ZNF462: variants seen among roughly 807,000 people sequenced by gnomAD.
ZNF462 encodes zinc finger protein 462, also known as zinc finger PBX1-interacting protein.
In ZNF462, 10 loss-of-function variants were observed where a neutral mutation model predicts 201.9. The observed-to-expected ratio is 0.05, with a 90% CI of 0.03 to 0.08. The LOEUF (loss-of-function observed/expected upper bound fraction) is 0.08, where lower values mean the gene tolerates loss of function less well. Ranked by LOEUF, ZNF462 falls within the 10% of genes least tolerant of loss-of-function variation. The pLI is 1.00. For missense variants in ZNF462, 2,523 were observed against 3,168.3 expected, an observed-to-expected ratio of 0.80 and a Z score of 4.89; for synonymous variants, 1,227 against 1,193.3, an observed-to-expected ratio of 1.03 and a Z score of -0.58.
chr9:107,000,877 A>G (rs545805676), intron 10 of ZNF462, among the ~76,000 whole-genome samples: 26 of 152,266 alleles, frequency 1.7e-4, no homozygotes, highest in Admixed American at 6.5e-4. Context: ...AAGAGCTCCA[A>G]AAGAAGCAGG....
At chr9:106,999,541 G>A (rs1829018495) in intron 10 of ZNF462, among the ~76,000 whole-genome samples, 1 of 152,126 alleles carries the variant, frequency 6.6e-6, no homozygotes, top group South Asian at 2.1e-4. Flanking sequence ...ATGCCTACTT[G>A]ATGAAATGCT....
At position 106,930,859 on chromosome 9, in the gene ZNF462, A is replaced by C; in HGVS notation, c.6012+170A>C. The C allele has an allele frequency of 1.3e-6, 1 of 749,028 alleles. No homozygotes were observed. The highest frequency in any genetic ancestry group is 2.1e-6 in the Non-Finnish European group (1 of 481,854). The allele number at this position is 749,028 out of a possible 1,614,324, so 46.4% of individuals were successfully genotyped here. On this transcript the variant is annotated intron_variant, in intron 4 of 12. Coordinates refer to ENST00000277225, the MANE Select transcript of ZNF462 (RefSeq NM_021224.6). The surrounding 1 kb of genome is among the most constrained non-coding windows in gnomAD (Gnocchi z 5.8). ...TTTCTTTGCAGGTTGGACCTTCCTC[A>C]TCTTTCTGTTCAGGGAAAGGTCGAG... is the stretch of plus-strand genomic sequence containing the variant.
intron 7 of ZNF462, among the ~76,000 whole-genome samples, chr9:106,955,235 C>T (rs1260382633): frequency 1.3e-5 from 2 of 152,032 alleles, no homozygotes; most frequent in Non-Finnish European, 2.9e-5. Context: ...GGGTTTGGTT[C>T]CAGACCACCT....
chr9:106,977,780 C>T lies in ZNF462; in HGVS notation c.6832+3507C>T, dbSNP rs1484006287. On this transcript the variant is annotated intron_variant, in intron 9 of 12. Transcript: ENST00000277225. The surrounding 1 kb of genome is among the most constrained non-coding windows in gnomAD (Gnocchi z 4.6). ...TGAGCCATGATAACATTTCAACAGG[C>T]AGAGAAGACTTAAGGCAGGGCATAT... 2.0e-5 allele frequency among the ~76,000 whole-genome samples: 3 copies of T among 151,488 alleles called. No homozygotes were observed. The highest frequency in any genetic ancestry group is 2.1e-4 in the South Asian group (1 of 4,830).
rs1296044800 is a variant in ZNF462, at chr9:106,870,075, C to A, written c.-31+6720C>A. 1.3e-5 allele frequency among the ~76,000 whole-genome samples: 2 copies of A among 152,174 alleles called. No homozygotes were observed. The highest frequency in any genetic ancestry group is 4.8e-5 in the African/African-American group (2 of 41,418). On this transcript the variant is annotated intron_variant, in intron 1 of 12. Transcript: ENST00000277225. This position sits in a 1 kb window ranked among gnomAD's most constrained non-coding sequence, Gnocchi z 4.3. ...CTATTCTCATCAGCTGAAGCACGTACAGGATTTTTAAAGTGTTTGGATGTG... is the reference window on the plus strand; with the variant it reads ...CTATTCTCATCAGCTGAAGCACGTAAAGGATTTTTAAAGTGTTTGGATGTG...
intron 1 of ZNF462, among the ~76,000 whole-genome samples, chr9:106,922,485 G>T (rs899889101): frequency 1.3e-5 from 2 of 152,166 alleles, no homozygotes; most frequent in African/African-American, 4.8e-5. Flanking sequence ...CTTCATGTTT[G>T]TAAAGGAAAG....
rs745975967 is a variant in ZNF462 at position 106,918,679 on chromosome 9, C to G, written c.-30-4675C>G. 1.8e-4 allele frequency among the ~76,000 whole-genome samples: 27 copies of G among 152,148 alleles called. 1 individual carries two copies. Among genetic ancestry groups the G allele is most frequent in the Non-Finnish European group, 5.9e-5 (4 of 68,022 alleles). ...GGCTTGCAACTGAAAATATTAATCTCCCAATACACATCACAAATCTTTGAC... is the reference window on the plus strand; with the variant it reads ...GGCTTGCAACTGAAAATATTAATCTGCCAATACACATCACAAATCTTTGAC... On this transcript the variant is annotated intron_variant, in intron 1 of 12. Coordinates refer to ENST00000277225, the MANE Select transcript of ZNF462 (RefSeq NM_021224.6).
rs1037903514 is a variant in ZNF462 at position 106,966,013 on chromosome 9, C to T, written c.6428-5992C>T. Among the ~76,000 whole-genome samples, 23 of 152,036 alleles carry T rather than the reference C, an allele frequency of 1.5e-4. No individual in the cohort carries two copies. Among genetic ancestry groups the T allele is most frequent in the African/African-American group, 2.9e-4 (12 of 41,392 alleles). ...TCTTCACTAGAAATAATGGTCTATA[C>T]GTCTAGCTTATTTGGGTTCTCCCTC... On this transcript the variant is annotated intron_variant, in intron 7 of 12. Transcript: ENST00000277225. The surrounding 1 kb of genome is among the most constrained non-coding windows in gnomAD (Gnocchi z 4.4).
intron 11 of ZNF462, among the ~76,000 whole-genome samples, chr9:107,007,584 C>T (rs925035669): frequency 7.9e-5 from 12 of 152,212 alleles, no homozygotes; most frequent in Admixed American, 1.3e-4. Context: ...CCTTCCCCCT[C>T]GCCGATCCTT....
At chr9:106,908,910 C>CATATATATATATAT (rs1192231869) in intron 1 of ZNF462, among the ~76,000 whole-genome samples, 44 of 43,986 alleles carry the variant, frequency 1.0e-3, no homozygotes, top group Admixed American at 1.3e-3. Context: ...CCCATATATA[C>CATATATATATATAT]ATATATATAT....
At chr9:106,999,161 C>A (rs1486146894) in intron 10 of ZNF462, among the ~76,000 whole-genome samples, 4 of 152,120 alleles carry the variant, frequency 2.6e-5, no homozygotes, top group African/African-American at 2.4e-5. Flanking sequence ...TGCTCCTTCT[C>A]CCTTTGTTGT....
chr9:106,995,368 G>GA (rs1326844220), intron 10 of ZNF462, among the ~76,000 whole-genome samples: 1 of 151,818 alleles, frequency 6.6e-6, no homozygotes, highest in African/African-American at 2.4e-5. Flanking sequence ...CTTTTATTTT[G>GA]AAAAAAATTC....
Position 106,924,527 on chromosome 9 carries a change from T to C in ZNF462, c.615T>C (p.Pro205=), listed in dbSNP as rs199808750. ...CTGCTCCTGCTCCAATGCCAGACCCTGTGGTTCCGCCCGTATCACTGCAGG... is the reference window on the plus strand; with the variant it reads ...CTGCTCCTGCTCCAATGCCAGACCCCGTGGTTCCGCCCGTATCACTGCAGG... The part of the protein sequence containing the change: ...PPPAPAPMPD[P]VVPPVSLQDP... The change falls in exon 3 of 13, where the codon CCT becomes CCC. Residue 205 remains proline, a synonymous_variant. Coordinates refer to ENST00000277225, the MANE Select transcript of ZNF462 (RefSeq NM_021224.6). This position sits in a 1 kb window ranked among gnomAD's most constrained non-coding sequence, Gnocchi z 6.2. 1.9e-6 allele frequency: 3 copies of C among 1,614,118 alleles called. No individual in the cohort carries two copies. The highest frequency in any genetic ancestry group is 1.1e-5 in the South Asian group (1 of 91,062).
chr9:106,991,544 C>G (rs1828269909), intron 10 of ZNF462, among the ~76,000 whole-genome samples: 1 of 151,696 alleles, frequency 6.6e-6, no homozygotes, highest in Non-Finnish European at 1.5e-5. Context: ...CAAACTGGCC[C>G]TAAAATTTAT....
At chr9:106,910,231 A>T in intron 1 of ZNF462, among the ~76,000 whole-genome samples, 1 of 151,224 alleles carries the variant, frequency 6.6e-6, no homozygotes, top group East Asian at 1.9e-4. Flanking sequence ...CTTGTCTTTG[A>T]TCTCTTCTTT....
chr9:106,965,414 A>G (rs1832028892), intron 7 of ZNF462, among the ~76,000 whole-genome samples: 3 of 152,082 alleles, frequency 2.0e-5, no homozygotes, highest in Admixed American at 2.0e-4. Flanking sequence ...AACACCAGGT[A>G]GGAGACTTCA....
rs1235816923 is a variant in ZNF462, at chr9:107,011,762, AAAAAC to A, written c.*742_*746del. On this transcript the variant is annotated 3_prime_UTR_variant, in exon 13 of 13. Transcript: ENST00000277225. The surrounding 1 kb of genome is among the most constrained non-coding windows in gnomAD (Gnocchi z 5.6). ...TGTGATTTTTTTAATTATTTTAGTA[AAAAAC>A]AAAACAAAAAAAAGAAACAGACTTT... The A allele has an allele frequency of 7.9e-5, 12 of 152,264 alleles. No homozygotes were observed. The highest frequency in any genetic ancestry group is 2.6e-4 in the African/African-American group (11 of 41,568). The allele number at this position is 152,264 out of a possible 1,614,324, so 9.4% of individuals were successfully genotyped here.
chr9:106,893,030 T>C (rs953558594), intron 1 of ZNF462, among the ~76,000 whole-genome samples: 1 of 152,234 alleles, frequency 6.6e-6, no homozygotes, highest in Non-Finnish European at 1.5e-5. Flanking sequence ...TCCTGAAATA[T>C]ACTACCAAAA....
rs753889704 is a variant in ZNF462, at chr9:106,923,348, C to G, written c.-30-6C>G. 1 of 1,604,714 alleles carries G rather than the reference C, an allele frequency of 6.2e-7. No individual in the cohort carries two copies. The highest frequency in any genetic ancestry group is 1.1e-5 in the South Asian group (1 of 90,870). ...TTAAGATGTTTTGTTCTGACTTCTGCCACAGGTTCCTAATGTGAGAGGCTA... is the reference window on the plus strand; with the variant it reads ...TTAAGATGTTTTGTTCTGACTTCTGGCACAGGTTCCTAATGTGAGAGGCTA... On this transcript the variant is annotated splice_polypyrimidine_tract_variant and splice_region_variant and intron_variant, in intron 1 of 12. Coordinates refer to ENST00000277225, the MANE Select transcript of ZNF462 (RefSeq NM_021224.6). The surrounding 1 kb of genome is among the most constrained non-coding windows in gnomAD (Gnocchi z 5.6).
Sources: allele counts gnomAD v4.1 joint callset (sites outside exome capture counted in the v4.1 genomes callset), GRCh38; gene constraint gnomAD v4.1.1; non-coding constraint Gnocchi (gnomAD v3.1); transcripts MANE v1.5; gene names NCBI Gene and HGNC (gene_info 2026-07-23, HGNC 2026-07-21).